Variants in DTWD1 observed in about 807,000 individuals in gnomAD.
The protein encoded by DTWD1 is tRNA-uridine aminocarboxypropyltransferase 1.
DTWD1 carries 27 observed loss-of-function variants against 30.2 expected under a neutral mutation model. The observed-to-expected ratio is 0.90, with a 90% CI of 0.66 to 1.23. DTWD1 has a LOEUF of 1.23. Ranked by LOEUF, DTWD1 falls within the 50% of genes most tolerant of loss-of-function variation. The pLI is 0.00. For missense variants in DTWD1, 342 were observed against 348.8 expected (o/e 0.98, Z 0.15); for synonymous variants, 99 against 113.1 (o/e 0.88, Z 0.79).
At chr15:49,629,787 T>C (rs781710624) in intron 2 of DTWD1, 2 of 152,192 alleles carry the variant, frequency 1.3e-5, no homozygotes, top group African/African-American at 4.8e-5. Flanking sequence ...GCCTAACTTA[T>C]AAATGATCAT....
chr15:49,635,434 T>C (rs1468255406), intron 4 of DTWD1, among the ~76,000 whole-genome samples: 1 of 152,166 alleles, frequency 6.6e-6, no homozygotes, highest in East Asian at 1.9e-4. Context: ...TACTAAGAAG[T>C]TAGATCTTCT....
rs1172923449 is a variant in DTWD1, at chr15:49,649,662, T to A, written c.*6084T>A. The A allele has an allele frequency of 6.6e-6, 1 of 152,164 alleles. No homozygotes were observed. The highest frequency in any genetic ancestry group is 1.5e-5 in the Non-Finnish European group (1 of 68,108). 9.4% of individuals were successfully genotyped at this position (152,164 alleles called of 1,614,324 possible). ...TGAAGCAGGAGAATCACTTAGAACC[T>A]GGGAGGCAGAAGTTGTAGTGAGCCG... On this transcript the variant is annotated 3_prime_UTR_variant, in exon 5 of 5. Coordinates refer to ENST00000403028, the MANE Select transcript of DTWD1 (RefSeq NM_001144955.2).
At chr15:49,622,292 A>C (rs540125251) in intron 1 of DTWD1, among the ~76,000 whole-genome samples, 2 of 152,194 alleles carry the variant, frequency 1.3e-5, no homozygotes, top group Non-Finnish European at 2.9e-5. Flanking sequence ...TTCCATGTCA[A>C]ATATGTGGAA....
At chr15:49,638,637 T>C (rs1235775011) in intron 4 of DTWD1, among the ~76,000 whole-genome samples, 1 of 152,210 alleles carries the variant, frequency 6.6e-6, no homozygotes, top group African/African-American at 2.4e-5. Flanking sequence ...TTCGTGAGAT[T>C]AATCTGAACA....
chr15:49,622,041 G>A (rs1012385490), intron 1 of DTWD1, among the ~76,000 whole-genome samples: 1 of 152,138 alleles, frequency 6.6e-6, no homozygotes, highest in African/African-American at 2.4e-5. Context: ...AAAATTGCCA[G>A]CCTGCCACTT....
At chr15:49,622,638 T>C (rs1316477267) in intron 1 of DTWD1, among the ~76,000 whole-genome samples, 4 of 152,234 alleles carry the variant, frequency 2.6e-5, no homozygotes, top group Admixed American at 6.5e-5. Context: ...TTAACAAGTA[T>C]GTTTTAAAAA....
intron 4 of DTWD1, among the ~76,000 whole-genome samples, chr15:49,643,025 A>G (rs1045889404): frequency 6.6e-6 from 1 of 152,158 alleles, no homozygotes; most frequent in Non-Finnish European, 1.5e-5. Flanking sequence ...ATGCTGATAC[A>G]TAGAAGATTG....
chr15:49,651,029 A>G lies in DTWD1; in HGVS notation c.*7451A>G, dbSNP rs1189119383. ...AAATGAGAAGATTTACCCACGGAAGAGAATGTGCCAGCAAGTGCAGTATAT... is the reference window on the plus strand; with the variant it reads ...AAATGAGAAGATTTACCCACGGAAGGGAATGTGCCAGCAAGTGCAGTATAT... On this transcript the variant is annotated 3_prime_UTR_variant, in exon 5 of 5. Transcript: ENST00000403028. 1 of 152,174 alleles carries G rather than the reference A, an allele frequency of 6.6e-6. No homozygotes were observed. The highest frequency in any genetic ancestry group is 1.5e-5 in the Non-Finnish European group (1 of 68,034). 9.4% of individuals were successfully genotyped at this position (152,174 alleles called of 1,614,324 possible).
At position 49,654,056 on chromosome 15, in the gene DTWD1, C is replaced by T. The variant is rs1297236559; in HGVS notation, c.*10478C>T. On this transcript the variant is annotated 3_prime_UTR_variant, in exon 5 of 5. Coordinates refer to ENST00000403028, the MANE Select transcript of DTWD1 (RefSeq NM_001144955.2). ...CAATTTAATTTTATGCTTCCTGTTT[C>T]CTTGTCTCCTTTTTTGAATGATAGT... 1 of 152,002 alleles carries T rather than the reference C, an allele frequency of 6.6e-6. No individual in the cohort carries two copies. Among genetic ancestry groups the T allele is most frequent in the Non-Finnish European group, 1.5e-5 (1 of 67,990 alleles). 9.4% of individuals were successfully genotyped at this position (152,002 alleles called of 1,614,324 possible). A position where few individuals can be genotyped will look rare whatever the true frequency, so the allele number is the denominator to read the frequency against.
rs1281028621 is a variant in DTWD1, at chr15:49,644,304, A to G, written c.*726A>G. 1 of 152,186 alleles carries G rather than the reference A, an allele frequency of 6.6e-6. No individual in the cohort carries two copies. Among genetic ancestry groups the G allele is most frequent in the Non-Finnish European group, 1.5e-5 (1 of 68,038 alleles). The allele number at this position is 152,186 out of a possible 1,614,324, so 9.4% of individuals were successfully genotyped here. A position where few individuals can be genotyped will look rare whatever the true frequency, so the allele number is the denominator to read the frequency against. Reference sequence around the variant, plus strand: ...TTATTTGGAATTGTGAACTGATAATAATTGAAGCCTACCTGCTAGTGGCCA... The same window carrying G: ...TTATTTGGAATTGTGAACTGATAATGATTGAAGCCTACCTGCTAGTGGCCA... On this transcript the variant is annotated 3_prime_UTR_variant, in exon 5 of 5. Coordinates refer to ENST00000403028, the MANE Select transcript of DTWD1 (RefSeq NM_001144955.2).
At position 49,646,660 on chromosome 15, in the gene DTWD1, G is replaced by C. The variant is rs1320410507; in HGVS notation, c.*3082G>C. Reference sequence around the variant, plus strand: ...CTCTTCTTCTGATGGACTGTATAGAGACACTGTTTTTCATCTTGCCTGTCC... The same window carrying C: ...CTCTTCTTCTGATGGACTGTATAGACACACTGTTTTTCATCTTGCCTGTCC... On this transcript the variant is annotated 3_prime_UTR_variant, in exon 5 of 5. Coordinates refer to ENST00000403028, the MANE Select transcript of DTWD1 (RefSeq NM_001144955.2). 2 of 152,140 alleles carry C rather than the reference G, an allele frequency of 1.3e-5. No individual in the cohort carries two copies. Among genetic ancestry groups the C allele is most frequent in the African/African-American group, 4.8e-5 (2 of 41,446 alleles). 9.4% of individuals were successfully genotyped at this position (152,140 alleles called of 1,614,324 possible).
chr15:49,622,210 G>T (rs1163946475), intron 1 of DTWD1, among the ~76,000 whole-genome samples: 1 of 152,178 alleles, frequency 6.6e-6, no homozygotes, highest in Non-Finnish European at 1.5e-5. Flanking sequence ...GATCAGGGAA[G>T]GAATCTGCTC....
intron 1 of DTWD1, chr15:49,623,741 T>G (rs2078801268): frequency 6.6e-6 from 1 of 152,190 alleles, no homozygotes; most frequent in Non-Finnish European, 1.5e-5. Flanking sequence ...CATCTTAATA[T>G]CCTGCACTTT....
rs1200958493 is a variant in DTWD1 at position 49,653,574 on chromosome 15, G to A, written c.*9996G>A. 1 of 152,164 alleles carries A rather than the reference G, an allele frequency of 6.6e-6. No individual in the cohort carries two copies. The highest frequency in any genetic ancestry group is 1.5e-5 in the Non-Finnish European group (1 of 68,024). The allele number at this position is 152,164 out of a possible 1,614,324, so 9.4% of individuals were successfully genotyped here. A position where few individuals can be genotyped will look rare whatever the true frequency, so the allele number is the denominator to read the frequency against. Reference sequence around the variant, plus strand: ...AATAGTGAACAAACTCTTACTGGAGGATGGGAAGGCAGTAAATAAATTATT... The same window carrying A: ...AATAGTGAACAAACTCTTACTGGAGAATGGGAAGGCAGTAAATAAATTATT... On this transcript the variant is annotated 3_prime_UTR_variant, in exon 5 of 5. Transcript: ENST00000403028.
At position 49,643,715 on chromosome 15, in the gene DTWD1, C is replaced by T. The variant is rs2079094430; in HGVS notation, c.*137C>T. ...AAAAATTCCAGTTTCATATATATCA[C>T]TTCATATTTCTTGAAGGAAATTGTA... is the stretch of plus-strand genomic sequence containing the variant. On this transcript the variant is annotated 3_prime_UTR_variant, in exon 5 of 5. Transcript: ENST00000403028. The T allele has an allele frequency of 1.1e-6, 1 of 880,040 alleles. No homozygotes were observed. Among genetic ancestry groups the T allele is most frequent in the African/African-American group, 1.8e-5 (1 of 57,054 alleles). 54.5% of individuals were successfully genotyped at this position (880,040 alleles called of 1,614,324 possible). A position where few individuals can be genotyped will look rare whatever the true frequency, so the allele number is the denominator to read the frequency against.
chr15:49,625,703 C>G (rs767514853), intron 2 of DTWD1, among the ~76,000 whole-genome samples: 2 of 152,164 alleles, frequency 1.3e-5, no homozygotes, highest in Admixed American at 6.5e-5. Context: ...GTCCCTGTGT[C>G]CTTCCCTTAT....
chr15:49,632,902 G>A (rs1396129179), intron 3 of DTWD1, among the ~76,000 whole-genome samples: 4 of 151,806 alleles, frequency 2.6e-5, no homozygotes, highest in Non-Finnish European at 4.4e-5. Context: ...TAAGGCCTTG[G>A]GTACTGAAAG....
intron 4 of DTWD1, among the ~76,000 whole-genome samples, chr15:49,637,654 G>GTATGAT (rs1447552711): frequency 6.6e-6 from 1 of 152,138 alleles, no homozygotes; most frequent in African/African-American, 2.4e-5. Context: ...ACTTGTCCAT[G>GTATGAT]TATGATTAGA....
intron 1 of DTWD1, among the ~76,000 whole-genome samples, chr15:49,623,319 A>G (rs1238810722): frequency 6.6e-6 from 1 of 152,190 alleles, no homozygotes; most frequent in Non-Finnish European, 1.5e-5. Flanking sequence ...ACCAGGACAA[A>G]CCCAAAGAGA....
Sources: gnomAD v4.1 joint callset for allele counts (sites outside exome capture counted in the v4.1 genomes callset) on GRCh38, gnomAD v4.1.1 for gene constraint, MANE v1.5 for transcripts, NCBI Gene and HGNC (gene_info 2026-07-23, HGNC 2026-07-21) for gene names.